Variants in ARID4B observed in about 807,000 individuals in gnomAD.
ARID4B encodes the protein AT-rich interactive domain-containing protein 4B.
A neutral mutation model predicts 147.5 loss-of-function variants in ARID4B; 26 were observed. The ratio of observed to expected loss-of-function variants is 0.18; its 90% CI spans 0.13 to 0.24. ARID4B has a LOEUF of 0.24. Among genes scored for constraint, ARID4B ranks in the 10% least tolerant of loss-of-function variants. ARID4B has a pLI of 1.00. For synonymous variants in ARID4B, 512 were observed against 507.9 expected (o/e 1.01, Z -0.11); for missense variants, 1,179 against 1,511.5 (o/e 0.78, Z 3.65).
Position 235,298,626 on chromosome 1 carries a change from T to A in ARID4B, c.6+28288A>T, listed in dbSNP as rs1419662907. On this transcript the variant is annotated intron_variant, in intron 2 of 23. Coordinates refer to ENST00000264183, the MANE Select transcript of ARID4B (RefSeq NM_016374.6). ...ATATCCATATATATGAAAATGACTA[T>A]CTGCATTATAAAGTCACTGTGCCTA... 3.3e-5 allele frequency among the ~76,000 whole-genome samples: 5 copies of A among 150,708 alleles called. No individual in the cohort carries two copies. The East Asian group carries it at 9.6e-4, about 29-fold the overall frequency.
At chr1:235,202,474 T>C (rs1235707810) in intron 17 of ARID4B, among the ~76,000 whole-genome samples, 2 of 150,616 alleles carry the variant, frequency 1.3e-5, no homozygotes, top group African/African-American at 4.9e-5. Flanking sequence ...TAAAATAACA[T>C]ATGCATGATA....
At chr1:235,252,230 A>G (rs1669690146) in intron 6 of ARID4B, among the ~76,000 whole-genome samples, 1 of 152,186 alleles carries the variant, frequency 6.6e-6, no homozygotes, top group Non-Finnish European at 1.5e-5. Flanking sequence ...TTATGTACTC[A>G]TATTTTGATG....
chr1:235,270,021 C>G (rs556754059), intron 2 of ARID4B, among the ~76,000 whole-genome samples: 103 of 152,210 alleles, frequency 6.8e-4, no homozygotes, highest in African/African-American at 2.4e-3. Flanking sequence ...CGGTGCCTCA[C>G]GCCTGTAATC....
chr1:235,172,845 T>A, intron 22 of ARID4B, 81 bp from the exon 23 acceptor site: 1 of 1,200,828 alleles, frequency 8.3e-7, no homozygotes, highest in East Asian at 2.8e-5. Context: ...CGAGCATGGC[T>A]GCTGAATAAG....
At position 235,188,818 on chromosome 1, in the gene ARID4B, A is replaced by G. The variant is rs369700724; in HGVS notation, c.2125+5195T>C. 7.2e-5 allele frequency among the ~76,000 whole-genome samples: 11 copies of G among 152,296 alleles called. 1 individual carries two copies. Among genetic ancestry groups the G allele is most frequent in the Admixed American group, 3.3e-4 (5 of 15,290 alleles). ...GGCCAACCAGATCACCCGATAGTGAAACTCAAGGTCAACAAGTGCCAACCA... is the reference window on the plus strand; with the variant it reads ...GGCCAACCAGATCACCCGATAGTGAGACTCAAGGTCAACAAGTGCCAACCA... On this transcript the variant is annotated intron_variant, in intron 19 of 23. Coordinates refer to ENST00000264183, the MANE Select transcript of ARID4B (RefSeq NM_016374.6).
At position 235,195,691 on chromosome 1, in the gene ARID4B, T is replaced by C. The variant is rs186521014; in HGVS notation, c.1926+340A>G. Among the ~76,000 whole-genome samples the C allele has an allele frequency of 2.0e-5, 3 of 152,310 alleles. No homozygotes were observed. In the East Asian group the frequency reaches 5.8e-4, roughly 29 times the overall value. ...AGTTGCCAGATAGCCTTTTCTTCCT[T>C]GGAATGGTTTACAGCTACAATAATA... On this transcript the variant is annotated intron_variant, in intron 18 of 23. Coordinates refer to ENST00000264183, the MANE Select transcript of ARID4B (RefSeq NM_016374.6).
intron 2 of ARID4B, among the ~76,000 whole-genome samples, chr1:235,322,788 G>C (rs1477376351): frequency 1.3e-5 from 2 of 151,942 alleles, no homozygotes; most frequent in Admixed American, 6.6e-5. Flanking sequence ...ACTTATGAAA[G>C]GGGTGAGACA....
chr1:235,198,950 T>C (rs1338865979), intron 17 of ARID4B, among the ~76,000 whole-genome samples: 1 of 152,072 alleles, frequency 6.6e-6, no homozygotes, highest in Non-Finnish European at 1.5e-5. Flanking sequence ...AACACAAAAA[T>C]TAGCCAGGCA....
intron 2 of ARID4B, among the ~76,000 whole-genome samples, chr1:235,324,328 C>T (rs1185630538): frequency 2.0e-5 from 3 of 152,136 alleles, no homozygotes; most frequent in Admixed American, 6.5e-5. Flanking sequence ...TCCTCAAAAA[C>T]ATACTGTGAA....
intron 7 of ARID4B, among the ~76,000 whole-genome samples, chr1:235,243,455 T>C (rs1001608009): frequency 1.3e-5 from 2 of 152,164 alleles, no homozygotes; most frequent in African/African-American, 4.8e-5. Flanking sequence ...GGCAAGGTAT[T>C]TGTAGAGCCA....
At chr1:235,304,791 G>A (rs528364176) in intron 2 of ARID4B, among the ~76,000 whole-genome samples, 4 of 152,302 alleles carry the variant, frequency 2.6e-5, no homozygotes, top group Non-Finnish European at 5.9e-5. Flanking sequence ...GAAAGCATCT[G>A]CTAATTAAGT....
At chr1:235,215,016 T>G (rs1205452729) in intron 16 of ARID4B, among the ~76,000 whole-genome samples, 1 of 151,854 alleles carries the variant, frequency 6.6e-6, no homozygotes, top group East Asian at 1.9e-4. Flanking sequence ...TAATTTTTTT[T>G]GTATTTTTAG....
intron 2 of ARID4B, among the ~76,000 whole-genome samples, chr1:235,297,900 C>T (rs997539814): frequency 6.6e-6 from 1 of 152,100 alleles, no homozygotes; most frequent in Non-Finnish European, 1.5e-5. Context: ...CCGTATCTTC[C>T]AACTGCAATA....
intron 2 of ARID4B, among the ~76,000 whole-genome samples, chr1:235,309,386 C>A (rs1302638809): frequency 6.7e-6 from 1 of 150,332 alleles, no homozygotes; most frequent in Non-Finnish European, 1.5e-5. Context: ...AAGTGAGGAG[C>A]GTCTCTGCCC....
At chr1:235,246,320 T>C (rs938554945) in intron 7 of ARID4B, 100 bp downstream of exon 7, 1 of 910,752 alleles carries the variant, frequency 1.1e-6, no homozygotes, top group Non-Finnish European at 1.7e-6. Flanking sequence ...CTATTAGATC[T>C]GGTTAGCATT....
intron 6 of ARID4B, among the ~76,000 whole-genome samples, chr1:235,247,985 T>A (rs1236430124): frequency 6.6e-6 from 1 of 151,954 alleles, no homozygotes; most frequent in Non-Finnish European, 1.5e-5. Flanking sequence ...CGAAATTCCA[T>A]CTCAAAAAAT....
chr1:235,276,190 C>CA (rs1190767913), intron 2 of ARID4B, among the ~76,000 whole-genome samples: 3,342 of 55,054 alleles, frequency 0.061, 63 homozygotes, highest in Non-Finnish European at 0.087. Flanking sequence ...ACATACGAAG[C>CA]AAAAAAAAAA....
chr1:235,175,173 A>G lies in ARID4B; in HGVS notation c.3664+11T>C. 1 of 1,604,866 alleles carries G rather than the reference A, an allele frequency of 6.2e-7. No individual in the cohort carries two copies. The highest frequency in any genetic ancestry group is 1.1e-5 in the South Asian group (1 of 90,726). ...AAGTTTGTATGCTTGTCAATTTAAC[A>G]TGTCACTTACACATCTGAAAACTCC... On this transcript the variant is annotated intron_variant, in intron 22 of 23. Coordinates refer to ENST00000264183, the MANE Select transcript of ARID4B (RefSeq NM_016374.6).
intron 17 of ARID4B, among the ~76,000 whole-genome samples, chr1:235,199,602 G>A (rs1227228512): frequency 2.0e-5 from 3 of 152,160 alleles, no homozygotes; most frequent in Non-Finnish European, 4.4e-5. Context: ...ATTCTAACAC[G>A]AAAATAACGG....
Sources: allele counts gnomAD v4.1 joint callset (sites outside exome capture counted in the v4.1 genomes callset), GRCh38; gene constraint gnomAD v4.1.1; transcripts MANE v1.5; gene names NCBI Gene and HGNC (gene_info 2026-07-23, HGNC 2026-07-21).